MAPKAP1: variants seen among roughly 807,000 people sequenced by gnomAD.
MAPKAP1 encodes MAPK associated protein 1.
A neutral mutation model predicts 65.7 loss-of-function variants in MAPKAP1; 20 were observed. The ratio of observed to expected loss-of-function variants is 0.30; its 90% CI spans 0.21 to 0.44. The LOEUF (loss-of-function observed/expected upper bound fraction) is 0.44, where lower values mean the gene tolerates loss of function less well. Among genes scored for constraint, MAPKAP1 ranks in the 20% least tolerant of loss-of-function variants. The probability of loss-of-function intolerance (pLI) is 1.00; values close to 1 mark genes in which losing one functional copy is unlikely to be tolerated. For missense variants in MAPKAP1, 423 were observed against 648.0 expected (o/e 0.65, Z 3.77); for synonymous variants, 222 against 244.3 (o/e 0.91, Z 0.85).
chr9:125,660,752 C>T (rs1004139202), intron 3 of MAPKAP1, among the ~76,000 whole-genome samples: 1 of 152,182 alleles, frequency 6.6e-6, no homozygotes, highest in African/African-American at 2.4e-5. Context: ...TATTCAGAAC[C>T]GTGGCAACCG....
chr9:125,674,450 A>G (rs1834587225), intron 1 of MAPKAP1, among the ~76,000 whole-genome samples: 1 of 152,216 alleles, frequency 6.6e-6, no homozygotes. Context: ...ATTGTTGAGA[A>G]GTACAAGGAA....
intron 4 of MAPKAP1, among the ~76,000 whole-genome samples, chr9:125,590,547 G>A (rs2131588956): frequency 6.6e-6 from 1 of 152,086 alleles, no homozygotes; most frequent in East Asian, 2.0e-4. Context: ...CTACTGAGGA[G>A]GCTGAGGGAG....
At chr9:125,578,240 G>A (rs553845821) in intron 5 of MAPKAP1, among the ~76,000 whole-genome samples, 9 of 152,100 alleles carry the variant, frequency 5.9e-5, no homozygotes, top group Non-Finnish European at 1.2e-4. Context: ...CAGCATGCTC[G>A]TTAGGAGTCA....
chr9:125,639,777 G>A (rs188582188), intron 4 of MAPKAP1, among the ~76,000 whole-genome samples: 3 of 152,286 alleles, frequency 2.0e-5, no homozygotes, highest in African/African-American at 4.8e-5. Flanking sequence ...CATGGCAGCA[G>A]ATACAGTATC....
intron 5 of MAPKAP1, chr9:125,565,234 C>T (rs905254030): frequency 6.6e-6 from 1 of 152,002 alleles, no homozygotes; most frequent in Non-Finnish European, 1.5e-5. Flanking sequence ...TGTTCAAAGG[C>T]CAGTATAGCT....
intron 7 of MAPKAP1, among the ~76,000 whole-genome samples, chr9:125,527,128 G>A (rs1397548210): frequency 2.6e-5 from 4 of 151,390 alleles, no homozygotes; most frequent in East Asian, 3.9e-4. Context: ...ACAGTGGCGC[G>A]ATCTTGGCTC....
chr9:125,611,858 G>C (rs1832609587), intron 4 of MAPKAP1, among the ~76,000 whole-genome samples: 1 of 152,132 alleles, frequency 6.6e-6, no homozygotes, highest in Non-Finnish European at 1.5e-5. Flanking sequence ...TCTATCAACA[G>C]CAGGAAATTC....
chr9:125,626,073 C>T (rs573763247), intron 4 of MAPKAP1, among the ~76,000 whole-genome samples: 3 of 152,284 alleles, frequency 2.0e-5, no homozygotes, highest in East Asian at 3.9e-4. Flanking sequence ...CTTTGTACAA[C>T]CTGTAGTCAC....
At chr9:125,615,346 C>T (rs1832714894) in intron 4 of MAPKAP1, among the ~76,000 whole-genome samples, 1 of 152,036 alleles carries the variant, frequency 6.6e-6, no homozygotes, top group Non-Finnish European at 1.5e-5. Context: ...TAATCCAACT[C>T]TAATCAAAAT....
chr9:125,705,956 T>A (rs1835745139), intron 1 of MAPKAP1, among the ~76,000 whole-genome samples: 1 of 151,966 alleles, frequency 6.6e-6, no homozygotes. Flanking sequence ...AGGAGCCAGA[T>A]TAGGAGATGT....
At chr9:125,541,449 A>G (rs1830245558) in intron 7 of MAPKAP1, among the ~76,000 whole-genome samples, 1 of 152,214 alleles carries the variant, frequency 6.6e-6, no homozygotes, top group South Asian at 2.1e-4. Context: ...AATATAATGC[A>G]TTATATCACA....
At chr9:125,497,731 C>G (rs1589237448) in intron 8 of MAPKAP1, among the ~76,000 whole-genome samples, 4 of 152,350 alleles carry the variant, frequency 2.6e-5, no homozygotes, top group Admixed American at 2.6e-4. Context: ...CTGTGAATGA[C>G]AGACTAGTCA....
intron 4 of MAPKAP1, among the ~76,000 whole-genome samples, chr9:125,616,907 A>C (rs1165546594): frequency 6.6e-6 from 1 of 152,212 alleles, no homozygotes; most frequent in Non-Finnish European, 1.5e-5. Flanking sequence ...TTTAAAATTA[A>C]ATAAAATAGA....
intron 1 of MAPKAP1, among the ~76,000 whole-genome samples, chr9:125,692,674 G>C (rs1035156275): frequency 6.6e-6 from 1 of 152,048 alleles, no homozygotes; most frequent in African/African-American, 2.4e-5. Context: ...TTTTAAAAAA[G>C]AAAGGGGATA....
At chr9:125,608,629 G>A (rs764725371) in intron 4 of MAPKAP1, among the ~76,000 whole-genome samples, 15 of 152,188 alleles carry the variant, frequency 9.9e-5, no homozygotes, top group Admixed American at 2.0e-4. Flanking sequence ...GACAGCACCT[G>A]ATAAAGCATC....
chr9:125,644,955 T>C (rs563051015), intron 4 of MAPKAP1, among the ~76,000 whole-genome samples: 6 of 152,320 alleles, frequency 3.9e-5, no homozygotes, highest in Admixed American at 6.5e-5. Context: ...ATGTTAGACA[T>C]AGCGCAATCA....
At chr9:125,564,135 T>C (rs767435229) in intron 5 of MAPKAP1, among the ~76,000 whole-genome samples, 2 of 152,220 alleles carry the variant, frequency 1.3e-5, no homozygotes, top group Non-Finnish European at 1.5e-5. Flanking sequence ...GCAATGCACA[T>C]GTGTCAAAGA....
chr9:125,442,577 G>T (rs1852533517), intron 11 of MAPKAP1, among the ~76,000 whole-genome samples: 1 of 151,610 alleles, frequency 6.6e-6, no homozygotes, highest in South Asian at 2.1e-4. Context: ...CGGGGTAATG[G>T]AATATTTCTC....
chr9:125,451,514 G>A (rs1420004224), intron 10 of MAPKAP1, among the ~76,000 whole-genome samples: 2 of 152,124 alleles, frequency 1.3e-5, no homozygotes, highest in Admixed American at 6.5e-5. Flanking sequence ...CCTTTCTCCA[G>A]AGTTTCAGAG....
Sources: gnomAD v4.1 joint callset for allele counts (sites outside exome capture counted in the v4.1 genomes callset) on GRCh38, gnomAD v4.1.1 for gene constraint, MANE v1.5 for transcripts, NCBI Gene and HGNC (gene_info 2026-07-23, HGNC 2026-07-21) for gene names.